The following PPP1R7 variants were observed in gnomAD, a reference collection of about 807,000 sequenced individuals.
PPP1R7 encodes the protein protein phosphatase 1 regulatory subunit 22.
PPP1R7 carries 18 observed loss-of-function variants against 45.2 expected under a neutral mutation model. The observed-to-expected ratio is 0.40, with a 90% CI of 0.28 to 0.59. PPP1R7 has a LOEUF of 0.59. PPP1R7 is among the 20% of genes least tolerant of loss of function. The pLI is 0.46. For missense variants in PPP1R7, 314 were observed against 455.8 expected (o/e 0.69, Z 2.83); for synonymous variants, 181 against 183.4 (o/e 0.99, Z 0.11).
chr2:241,181,982 G>A (rs1269441139), intron 9 of PPP1R7, among the ~76,000 whole-genome samples: 2 of 150,474 alleles, frequency 1.3e-5, no homozygotes, highest in African/African-American at 2.5e-5. Context: ...CAGCCTGGGC[G>A]ACAGAGCGAG....
rs994213626 is a variant in PPP1R7 at position 241,183,128 on chromosome 2, C to G, written c.*305C>G. 4.8e-6 allele frequency: 2 copies of G among 418,150 alleles called. No homozygotes were observed. The highest frequency in any genetic ancestry group is 2.0e-5 in the African/African-American group (1 of 49,482). The allele number at this position is 418,150 out of a possible 1,614,324, so 25.9% of individuals were successfully genotyped here. On this transcript the variant is annotated 3_prime_UTR_variant, in exon 10 of 10. Transcript: ENST00000234038. ...GTTTCCTTCTCTCAGAAGGCAGTCA[C>G]AGTCCCTACCTGAGTCGTGTGAAAC...
chr2:241,167,314 C>T (rs74374443), intron 8 of PPP1R7: 5,708 of 408,942 alleles, frequency 0.014, 205 homozygotes, highest in East Asian at 0.091. Context: ...TTCACCAACA[C>T]CTGCATAAAA....
upstream of PPP1R7, chr2:241,149,578 A>G: frequency 7.1e-7 from 1 of 1,416,972 alleles, no homozygotes; most frequent in Non-Finnish European, 9.6e-7. Flanking sequence ...AGAGTCTAGA[A>G]GCCCGCGCTA....
At position 241,173,636 on chromosome 2, in the gene PPP1R7, C is replaced by T. The variant is rs373652626; in HGVS notation, c.906+3769C>T. On this transcript the variant is annotated intron_variant, in intron 9 of 9. Coordinates refer to ENST00000234038, the MANE Select transcript of PPP1R7 (RefSeq NM_002712.3). ...GGAAAGCTTCTGGAGACTATTTTCT[C>T]TAAAACTGCTTCTGCCCTTGCTCCT... Among the ~76,000 whole-genome samples, 6 of 152,336 alleles carry T rather than the reference C, an allele frequency of 3.9e-5. No individual in the cohort carries two copies. The South Asian group carries it at 6.2e-4, about 16-fold the overall frequency.
At chr2:241,167,985 G>A (rs1431472285) in intron 8 of PPP1R7, among the ~76,000 whole-genome samples, 1 of 152,164 alleles carries the variant, frequency 6.6e-6, no homozygotes, top group Non-Finnish European at 1.5e-5. Context: ...AGTGTCTCAC[G>A]ACTCCTGTCT....
intron 9 of PPP1R7, among the ~76,000 whole-genome samples, chr2:241,173,982 C>T (rs2067866474): frequency 6.7e-6 from 1 of 150,098 alleles, no homozygotes; most frequent in East Asian, 1.9e-4. Context: ...TAAGTCCTTC[C>T]TTCTTCACGT....
intron 9 of PPP1R7, among the ~76,000 whole-genome samples, chr2:241,170,747 A>G (rs1162667162): frequency 5.3e-5 from 8 of 152,212 alleles, no homozygotes. Context: ...CCTAGAACAC[A>G]GGTGGCCTGC....
At chr2:241,170,107 C>G (rs2067788218) in intron 9 of PPP1R7, among the ~76,000 whole-genome samples, 1 of 152,168 alleles carries the variant, frequency 6.6e-6, no homozygotes, top group South Asian at 2.1e-4. Context: ...ATCTTGGGCC[C>G]CACCATAGCC....
rs78025981 is a variant in PPP1R7 at position 241,166,266 on chromosome 2, C to T, written c.715-71C>T. The T allele has an allele frequency of 5.1e-4, 653 of 1,269,134 alleles. 5 individuals are homozygous for T. In the African/African-American group the frequency reaches 7.7e-3, roughly 15 times the overall value. 78.6% of individuals were successfully genotyped at this position (1,269,134 alleles called of 1,614,324 possible). Reference sequence around the variant, plus strand: ...AATTCTTCAAGATAACACAAAACCTCGTTTCCTAAAAACCGTTTCATTTCA... The same window carrying T: ...AATTCTTCAAGATAACACAAAACCTTGTTTCCTAAAAACCGTTTCATTTCA... On this transcript the variant is annotated intron_variant, in intron 7 of 9. Coordinates refer to ENST00000234038, the MANE Select transcript of PPP1R7 (RefSeq NM_002712.3).
intron 9 of PPP1R7, among the ~76,000 whole-genome samples, chr2:241,171,234 C>G (rs1484329762): frequency 6.6e-6 from 1 of 152,190 alleles, no homozygotes; most frequent in Non-Finnish European, 1.5e-5. Flanking sequence ...AGCAGGGAGG[C>G]AGGCAGGCTG....
At chr2:241,167,718 A>G (rs537394362) in intron 8 of PPP1R7, among the ~76,000 whole-genome samples, 1 of 152,310 alleles carries the variant, frequency 6.6e-6, no homozygotes, top group South Asian at 2.1e-4. Context: ...TTGGTTAAAC[A>G]CCAGATTATT....
At chr2:241,150,271 A>G (rs1341413040), upstream of PPP1R7, 2 of 1,320,578 alleles carry the variant, frequency 1.5e-6, no homozygotes, top group African/African-American at 1.5e-5. Flanking sequence ...TCTCGCCTCC[A>G]GACTGTTCCG....
chr2:241,151,650 G>C (rs778809209), intron 1 of PPP1R7: 54 of 447,312 alleles, frequency 1.2e-4, no homozygotes, highest in Non-Finnish European at 1.7e-4. Flanking sequence ...TTTAAGAAGC[G>C]CCTCTTCATA....
intron 1 of PPP1R7, among the ~76,000 whole-genome samples, chr2:241,150,900 C>G (rs2067267210): frequency 6.6e-6 from 1 of 152,162 alleles, no homozygotes; most frequent in Non-Finnish European, 1.5e-5. Context: ...GGTCAGCTGA[C>G]GAGGAAACTG....
chr2:241,169,717 C>T (rs546670075), intron 8 of PPP1R7, 64 bp from the exon 9 acceptor site: 14 of 1,360,488 alleles, frequency 1.0e-5, no homozygotes, highest in African/African-American at 8.6e-5. Context: ...ACACTGCCTG[C>T]GTGGTCATGC....
At chr2:241,169,458 CT>C (rs1455888515) in intron 8 of PPP1R7, among the ~76,000 whole-genome samples, 1 of 152,256 alleles carries the variant, frequency 6.6e-6, no homozygotes, top group Non-Finnish European at 1.5e-5. Flanking sequence ...TCGGTTCTTC[CT>C]GGGACCATCA....
intron 9 of PPP1R7, among the ~76,000 whole-genome samples, chr2:241,180,186 T>C (rs1169955322): frequency 6.6e-6 from 1 of 152,182 alleles, no homozygotes; most frequent in Non-Finnish European, 1.5e-5. Context: ...ATTTTTTAAA[T>C]AGACTATGCT....
chr2:241,151,080 AT>A (rs2067280808), intron 1 of PPP1R7, among the ~76,000 whole-genome samples: 1 of 152,212 alleles, frequency 6.6e-6, no homozygotes, highest in African/African-American at 2.4e-5. Flanking sequence ...AAAAGTCTGA[AT>A]TCAACTTTCT....
chr2:241,149,983 G>A (rs548157544), upstream of PPP1R7: 4 of 1,418,374 alleles, frequency 2.8e-6, no homozygotes, highest in South Asian at 3.0e-5. Flanking sequence ...CGGGGACGCC[G>A]GGAGAATGTT....
Sources: allele counts gnomAD v4.1 joint callset (sites outside exome capture counted in the v4.1 genomes callset), GRCh38; gene constraint gnomAD v4.1.1; transcripts MANE v1.5; gene names NCBI Gene and HGNC (gene_info 2026-07-23, HGNC 2026-07-21).